The following PKHD1 variants were observed in gnomAD, a reference collection of about 807,000 sequenced individuals.
PKHD1 encodes the protein fibrocystin.
Under a neutral mutation model 412.0 loss-of-function variants are expected in PKHD1, and 291 were observed. The observed-to-expected ratio is 0.71, with a 90% CI of 0.64 to 0.78. PKHD1 has a LOEUF of 0.78. Among genes scored for constraint, PKHD1 ranks in the 30% least tolerant of loss-of-function variants. The pLI is 0.00. For missense variants in PKHD1, 4,825 were observed against 4,950.7 expected, an observed-to-expected ratio of 0.97 and a Z score of 0.76; for synonymous variants, 1,777 against 1,821.5, an observed-to-expected ratio of 0.98 and a Z score of 0.62.
In PKHD1 at chr6:52,059,943, C is replaced by A. The variant is rs748017071; in HGVS notation, c.1218G>T (p.Glu406Asp). The part of the protein sequence containing the change: ...SQASLHFSWS[E>D]EPRTKVKVAS... ...CAGTGAATACCTTAGTCCTTGGTTC[C>A]TCTGACCAACTGAAATGCAAGGAAG... Residue 406 changes from glutamate to aspartate, a missense_variant, in exon 15 of 67, where the codon GAG becomes GAT. Glu to Asp is a conservative substitution (Grantham distance 45, BLOSUM62 2). Transcript: ENST00000371117. 11 of 1,556,866 alleles carry A rather than the reference C, an allele frequency of 7.1e-6. No homozygotes were observed. The South Asian group carries it at 1.0e-4, about 14-fold the overall frequency.
At position 51,912,441 on chromosome 6, in the gene PKHD1, C is replaced by T; in HGVS notation, c.6257G>A (p.Gly2086Asp). The part of the protein sequence containing the change: ...VVIISGTGVK[G>D]AKPMEEIVTV... ...GACAATCTCTTCCATCGGTTTGGCA[C>T]CTTTAACACCTGTTCCACTGATGAT... is the stretch of plus-strand genomic sequence containing the variant. Residue 2086 changes from glycine (G) to aspartate (D), a missense_variant, in exon 38 of 67, where the codon GGT becomes GAT. Transcript: ENST00000371117. 1 of 1,613,060 alleles carries T rather than the reference C, an allele frequency of 6.2e-7. No homozygotes were observed. Among genetic ancestry groups the T allele is most frequent in the Non-Finnish European group, 8.5e-7 (1 of 1,179,264 alleles).
chr6:52,038,608 C>T (rs1285371556), intron 27 of PKHD1, among the ~76,000 whole-genome samples: 1 of 152,116 alleles, frequency 6.6e-6, no homozygotes, highest in Non-Finnish European at 1.5e-5. Context: ...TCATCTCAGA[C>T]TTCTGGCCCC....
chr6:52,080,031 C>T (rs2128240531), intron 4 of PKHD1, 23 bp from the exon 5 acceptor site: 1 of 1,406,460 alleles, frequency 7.1e-7, no homozygotes, highest in Non-Finnish European at 1.0e-6. Flanking sequence ...AGTGGAAATC[C>T]TTATGAATCA....
intron 52 of PKHD1, among the ~76,000 whole-genome samples, chr6:51,811,673 T>C (rs1764705032): frequency 6.6e-6 from 1 of 152,148 alleles, no homozygotes; most frequent in Non-Finnish European, 1.5e-5. Flanking sequence ...GTAATAGTGC[T>C]TCACAGGGTG....
intron 66 of PKHD1, among the ~76,000 whole-genome samples, chr6:51,621,081 C>A (rs915923074): frequency 1.3e-5 from 2 of 152,154 alleles, no homozygotes; most frequent in African/African-American, 2.4e-5. Flanking sequence ...GCTCAAACTA[C>A]ATTGATTTAT....
intron 21 of PKHD1, among the ~76,000 whole-genome samples, chr6:52,051,394 T>C (rs1806823888): frequency 1.3e-5 from 2 of 152,214 alleles, no homozygotes; most frequent in Non-Finnish European, 2.9e-5. Flanking sequence ...ATCAGATAAA[T>C]GATATACAAT....
In PKHD1 at chr6:51,847,971, C is replaced by T. The variant is rs1160209891; in HGVS notation, c.7912-1G>A. On this transcript the variant is annotated splice_acceptor_variant, in intron 49 of 66. Coordinates refer to ENST00000371117, the MANE Select transcript of PKHD1 (RefSeq NM_138694.4). LOFTEE classifies it high-confidence loss of function. ...CAAAGTTGTCAAAGGTTGCTGAGTA[C>T]TTGAAGTGAAAGAAAAACACAATAG... 1 of 1,610,896 alleles carries T rather than the reference C, an allele frequency of 6.2e-7. No individual in the cohort carries two copies. The highest frequency in any genetic ancestry group is 2.2e-5 in the East Asian group (1 of 44,858).
At chr6:52,057,156 AC>A (rs1807889594) in intron 16 of PKHD1, among the ~76,000 whole-genome samples, 177 bp from the exon 17 acceptor site, 1 of 152,234 alleles carries the variant, frequency 6.6e-6, no homozygotes, top group Admixed American at 6.5e-5. Flanking sequence ...CCTAATGAGA[AC>A]TTTTGTTGGA....
chr6:51,914,532 C>T (rs984858608), intron 37 of PKHD1, among the ~76,000 whole-genome samples: 1 of 152,048 alleles, frequency 6.6e-6, no homozygotes, highest in Non-Finnish European at 1.5e-5. Flanking sequence ...CTGAGCTAGA[C>T]CCTCTTGCAA....
intron 53 of PKHD1, among the ~76,000 whole-genome samples, chr6:51,790,551 G>A (rs1486835418): frequency 2.0e-5 from 3 of 152,260 alleles, no homozygotes; most frequent in African/African-American, 7.2e-5. Flanking sequence ...TAATGGCATG[G>A]AATGGGCCAG....
At position 52,025,131 on chromosome 6, in the gene PKHD1, G is replaced by A; in HGVS notation, c.4679C>T (p.Ala1560Val). 1 of 1,614,150 alleles carries A rather than the reference G, an allele frequency of 6.2e-7. No individual in the cohort carries two copies. Among genetic ancestry groups the A allele is most frequent in the Non-Finnish European group, 8.5e-7 (1 of 1,179,992 alleles). The change falls in exon 32 of 67, where the codon GCT (alanine) becomes GTT (valine). Residue 1560 changes from alanine to valine, a missense_variant. Transcript: ENST00000371117. Reference sequence around the variant, plus strand: ...GTGTCTGGAAACATTACCAGAACAAGCATACCCATTTCTTGTATAAAAAAC... The same window carrying A: ...GTGTCTGGAAACATTACCAGAACAAACATACCCATTTCTTGTATAAAAAAC... ...LSVFYTRNGY[A>V]CSGNVSRHFY...
At chr6:51,866,905 C>T (rs9382042) in intron 48 of PKHD1, among the ~76,000 whole-genome samples, 61,734 of 151,940 alleles carry the variant, frequency 0.41, 13,744 homozygotes, top group East Asian at 0.85. Context: ...TCATTAACGT[C>T]AGGTAGAATA....
In PKHD1 at chr6:51,668,779, C is replaced by A. The variant is rs9689137; in HGVS notation, c.10157-8810G>T. Among the ~76,000 whole-genome samples the A allele has an allele frequency of 3.2e-3, 479 of 151,298 alleles. 3 individuals carry two copies. The highest frequency in any genetic ancestry group is 0.011 in the African/African-American group (447 of 41,176). On this transcript the variant is annotated intron_variant, in intron 60 of 66. Transcript: ENST00000371117. Reference sequence around the variant, plus strand: ...AAGTGTTGTTGAATTTTGTCAAAGGCCTTTTCTGCATCTATTGAGATAATC... The same window carrying A: ...AAGTGTTGTTGAATTTTGTCAAAGGACTTTTCTGCATCTATTGAGATAATC...
intron 49 of PKHD1, among the ~76,000 whole-genome samples, chr6:51,852,421 T>A (rs1772436920): frequency 6.6e-6 from 1 of 152,138 alleles, no homozygotes; most frequent in African/African-American, 2.4e-5. Context: ...CTAGGTCCAC[T>A]CGATCCAGAG....
In PKHD1 at chr6:52,042,943, C is replaced by T. The variant is rs767461205; in HGVS notation, c.3013G>A (p.Ala1005Thr). The part of the protein sequence containing the change: ...ILMLVRPSGL[A>T]ISATGEDLFL... ...AGGTCTTCTCCAGTGGCACTGATGG[C>T]AAGACCAGAGGGTCTCACCAACATC... The change falls in exon 27 of 67, where the codon GCC (alanine) becomes ACC (threonine). Residue 1005 changes from alanine to threonine, a missense_variant. Physicochemically the swap from Ala to Thr is moderately conservative, Grantham distance 58. Coordinates refer to ENST00000371117, the MANE Select transcript of PKHD1 (RefSeq NM_138694.4). 6.2e-7 allele frequency: 1 copy of T among 1,613,612 alleles called. No individual in the cohort carries two copies. The highest frequency in any genetic ancestry group is 8.5e-7 in the Non-Finnish European group (1 of 1,179,564).
At chr6:51,847,693 C>T in intron 50 of PKHD1, 82 bp downstream of exon 50, 1 of 1,031,550 alleles carries the variant, frequency 9.7e-7, no homozygotes. Flanking sequence ...CAGCACTTCA[C>T]AGCACAAATG....
chr6:51,766,412 C>G (rs1177409183), intron 55 of PKHD1, among the ~76,000 whole-genome samples: 20 of 152,026 alleles, frequency 1.3e-4, no homozygotes, highest in Admixed American at 1.3e-3. Context: ...TGAATGTGAG[C>G]CTCTGCTCTA....
rs191433832 is a variant in PKHD1 at position 51,938,012 on chromosome 6, G to A, written c.5909-3690C>T. On this transcript the variant is annotated intron_variant, in intron 36 of 66. Transcript: ENST00000371117. The stretch of plus-strand genomic sequence containing the variant: ...CCTAGGTGTAAGCCAAGCTAACTAT[G>A]GGAGGAATTTAGTTTATAGTCTAAC... Among the ~76,000 whole-genome samples, 265 of 152,224 alleles carry A rather than the reference G, an allele frequency of 1.7e-3. 4 individuals are homozygous for A. Among genetic ancestry groups the A allele is most frequent in the Admixed American group, 0.016 (249 of 15,304 alleles).
chr6:51,959,954 C>T lies in PKHD1; in HGVS notation c.5824G>A (p.Asp1942Asn). 2.5e-6 allele frequency: 4 copies of T among 1,613,540 alleles called. No homozygotes were observed. The highest frequency in any genetic ancestry group is 3.4e-6 in the Non-Finnish European group (4 of 1,179,614). ...HSWFPERLPQDGDNVTVENGQ... is the reference protein window; with the variant it reads ...HSWFPERLPQNGDNVTVENGQ... ...TTCTCCACTGTGACGTTGTCGCCAT[C>T]TTGTGGCAGCCTTTCAGGAAACCAG... The change falls in exon 36 of 67, where the codon GAT becomes AAT. Residue 1942 changes from aspartate (D) to asparagine (N), a missense_variant. Coordinates refer to ENST00000371117, the MANE Select transcript of PKHD1 (RefSeq NM_138694.4).
Sources: allele counts gnomAD v4.1 joint callset (sites outside exome capture counted in the v4.1 genomes callset), GRCh38; gene constraint gnomAD v4.1.1; transcripts MANE v1.5; gene names NCBI Gene and HGNC (gene_info 2026-07-23, HGNC 2026-07-21).